Variants in PDS5B observed in about 807,000 individuals in gnomAD.
The protein encoded by PDS5B is sister chromatid cohesion protein PDS5 homolog B.
PDS5B carries 51 observed loss-of-function variants against 184.1 expected under a neutral mutation model. That is an observed-to-expected ratio of 0.28 (90% CI 0.22 to 0.35). The LOEUF (loss-of-function observed/expected upper bound fraction) is 0.35. PDS5B is among the 10% of genes least tolerant of loss of function. The probability of loss-of-function intolerance (pLI) is 1.00; values close to 1 mark genes in which losing one functional copy is unlikely to be tolerated. For synonymous variants in PDS5B, 566 were observed against 569.2 expected, an observed-to-expected ratio of 0.99 and a Z score of 0.08; for missense variants, 1,180 against 1,723.3, an observed-to-expected ratio of 0.68 and a Z score of 5.58.
At chr13:32,702,260 C>G (rs1383317335) in intron 17 of PDS5B, among the ~76,000 whole-genome samples, 1 of 152,088 alleles carries the variant, frequency 6.6e-6, no homozygotes, top group African/African-American at 2.4e-5. Flanking sequence ...TAGAGAGACC[C>G]TACTTTGGTT....
chr13:32,635,637 T>A (rs1309946673), intron 1 of PDS5B, among the ~76,000 whole-genome samples: 1 of 149,652 alleles, frequency 6.7e-6, no homozygotes, highest in Non-Finnish European at 1.5e-5. Context: ...CCACTGTGCC[T>A]GGCCTGGCCT....
intron 8 of PDS5B, among the ~76,000 whole-genome samples, chr13:32,675,608 A>C (rs1215759276): frequency 2.6e-5 from 4 of 152,202 alleles, no homozygotes; most frequent in Non-Finnish European, 5.9e-5. Flanking sequence ...ACAAACTTTA[A>C]AGATGTATTT....
intron 1 of PDS5B, among the ~76,000 whole-genome samples, chr13:32,610,112 T>C (rs1215531992): frequency 6.6e-6 from 1 of 152,144 alleles, no homozygotes; most frequent in African/African-American, 2.4e-5. Flanking sequence ...TATATGGGCA[T>C]AGATGCATAT....
chr13:32,696,237 TTTG>T (rs1951699481), intron 14 of PDS5B, among the ~76,000 whole-genome samples: 1 of 152,122 alleles, frequency 6.6e-6, no homozygotes, highest in South Asian at 2.1e-4. Flanking sequence ...AATGACTTTT[TTTG>T]TTTCTGGTTT....
chr13:32,631,284 C>T (rs892049318), intron 1 of PDS5B, among the ~76,000 whole-genome samples: 2 of 146,656 alleles, frequency 1.4e-5, no homozygotes, highest in Non-Finnish European at 3.0e-5. Context: ...GTAGTGGTGG[C>T]GTTTCACCAT....
intron 19 of PDS5B, among the ~76,000 whole-genome samples, chr13:32,714,737 A>C (rs1303081452): frequency 1.3e-5 from 2 of 152,168 alleles, no homozygotes; most frequent in Non-Finnish European, 2.9e-5. Context: ...TATTCCCTGA[A>C]CGATTGTTGT....
chr13:32,598,473 A>T (rs1056577517), intron 1 of PDS5B, among the ~76,000 whole-genome samples: 3 of 151,846 alleles, frequency 2.0e-5, no homozygotes, highest in Non-Finnish European at 2.9e-5. Context: ...TAAATATTCC[A>T]TTTTATTAAC....
chr13:32,722,977 A>G (rs1952770018), intron 19 of PDS5B, among the ~76,000 whole-genome samples: 2 of 152,196 alleles, frequency 1.3e-5, no homozygotes, highest in Admixed American at 1.3e-4. Context: ...GCAGATTATG[A>G]AAGGATAGGT....
chr13:32,639,444 A>G (rs148754209), intron 1 of PDS5B, among the ~76,000 whole-genome samples: 44 of 152,368 alleles, frequency 2.9e-4, no homozygotes, highest in African/African-American at 9.4e-4. Context: ...TTTTGAATTA[A>G]TAAAGATTAA....
At position 32,701,427 on chromosome 13, in the gene PDS5B, C is replaced by A; in HGVS notation, c.1845C>A (p.Thr615=). ...GGATAGCACCTGTGCACATAGATACCGAATCTATCAGGTATTTGTATATAA... is the reference window on the plus strand; with the variant it reads ...GGATAGCACCTGTGCACATAGATACAGAATCTATCAGGTATTTGTATATAA... ...LERIAPVHID[T]ESISALIKQV... The change falls in exon 17 of 35, where the codon ACC becomes ACA. Residue 615 remains threonine, a synonymous_variant. Transcript: ENST00000315596. 1 of 1,562,792 alleles carries A rather than the reference C, an allele frequency of 6.4e-7. No homozygotes were observed. The highest frequency in any genetic ancestry group is 8.8e-7 in the Non-Finnish European group (1 of 1,136,760).
At chr13:32,614,903 T>G (rs777317156) in intron 1 of PDS5B, among the ~76,000 whole-genome samples, 2 of 152,244 alleles carry the variant, frequency 1.3e-5, no homozygotes, top group Non-Finnish European at 2.9e-5. Flanking sequence ...TATTATTATT[T>G]AAAGTTCTCC....
At chr13:32,734,475 T>A (rs1010144857) in intron 20 of PDS5B, among the ~76,000 whole-genome samples, 1 of 152,202 alleles carries the variant, frequency 6.6e-6, no homozygotes, top group African/African-American at 2.4e-5. Context: ...TATTTAATAT[T>A]TGGTGCTATA....
intron 1 of PDS5B, among the ~76,000 whole-genome samples, chr13:32,592,915 T>G (rs2057798880): frequency 6.6e-6 from 1 of 152,204 alleles, no homozygotes; most frequent in African/African-American, 2.4e-5. Flanking sequence ...CTTCTTAATC[T>G]GAACAGTGGG....
chr13:32,597,824 C>T (rs1175548251), intron 1 of PDS5B, among the ~76,000 whole-genome samples: 8 of 147,064 alleles, frequency 5.4e-5, no homozygotes, highest in South Asian at 2.2e-4. Context: ...TCCAGCCTGG[C>T]GACAGCGAGA....
intron 1 of PDS5B, among the ~76,000 whole-genome samples, chr13:32,605,014 C>CA (rs1251319728): frequency 3.3e-5 from 5 of 151,310 alleles, no homozygotes; most frequent in South Asian, 4.2e-4. Context: ...TTGATCTTTT[C>CA]AAAAAAACCA....
intron 19 of PDS5B, among the ~76,000 whole-genome samples, chr13:32,726,570 C>T (rs1054070320): frequency 1.3e-5 from 2 of 152,158 alleles, no homozygotes; most frequent in Admixed American, 1.3e-4. Context: ...TCTGCTTCCC[C>T]ACAGCCTTGC....
intron 1 of PDS5B, among the ~76,000 whole-genome samples, chr13:32,629,343 G>T (rs1280749474): frequency 6.6e-6 from 1 of 151,608 alleles, no homozygotes; most frequent in Non-Finnish European, 1.5e-5. Flanking sequence ...TGTGTTGGCT[G>T]CATTTCTTGT....
At chr13:32,738,463 A>G (rs1020874140) in intron 21 of PDS5B, among the ~76,000 whole-genome samples, 25 of 152,148 alleles carry the variant, frequency 1.6e-4, no homozygotes, top group Non-Finnish European at 3.4e-4. Flanking sequence ...GTGTCTAGTC[A>G]CCATTCATGT....
intron 1 of PDS5B, 140 bp from the exon 2 acceptor site, chr13:32,648,614 T>G: frequency 1.9e-6 from 1 of 539,372 alleles, no homozygotes; most frequent in Non-Finnish European, 3.3e-6. Context: ...ATAGAGTGAT[T>G]TTCATTAAAT....
Sources: gnomAD v4.1 joint callset for allele counts (sites outside exome capture counted in the v4.1 genomes callset) on GRCh38, gnomAD v4.1.1 for gene constraint, MANE v1.5 for transcripts, NCBI Gene and HGNC (gene_info 2026-07-23, HGNC 2026-07-21) for gene names.